Variants in OR6J1 observed in about 807,000 individuals in gnomAD.
OR6J1 encodes the protein olfactory receptor family 6 subfamily J member 1, also known as olfactory receptor 6J1.
For missense variants in OR6J1, 304 were observed against 166.8 expected (o/e 1.82, Z -4.53); for synonymous variants, 109 against 70.0 (o/e 1.56, Z -2.78).
chr14:22,632,615 G>C lies in OR6J1; in HGVS notation c.*1153C>G, dbSNP rs1425740650. The C allele has an allele frequency of 6.6e-6, 1 of 152,240 alleles. No individual in the cohort carries two copies. Among genetic ancestry groups the C allele is most frequent in the Non-Finnish European group, 1.5e-5 (1 of 68,092 alleles). The allele number at this position is 152,240 out of a possible 1,614,324, so 9.4% of individuals were successfully genotyped here. A position where few individuals can be genotyped will look rare whatever the true frequency, so the allele number is the denominator to read the frequency against. The stretch of plus-strand genomic sequence containing the variant: ...TCCAGGTGTATGGAGCCAGAAAAGG[G>C]GAGAAGCTATGCCTTGTGGAGAGAT... On this transcript the variant is annotated 3_prime_UTR_variant, in exon 2 of 2. Transcript: ENST00000540461.
chr14:22,641,417 G>A (rs1181710231), intron 1 of OR6J1, among the ~76,000 whole-genome samples: 236 of 53,992 alleles, frequency 4.4e-3, no homozygotes, highest in African/African-American at 0.02. Flanking sequence ...ATGGAAGGAA[G>A]GAAGAGAAAG....
In OR6J1 at chr14:22,639,271, C is replaced by T. The variant is rs1257748912; in HGVS notation, c.-27-4433G>A. Among the ~76,000 whole-genome samples the T allele has an allele frequency of 9.9e-5, 12 of 120,954 alleles. 1 individual carries two copies. The highest frequency in any genetic ancestry group is 2.1e-4 in the African/African-American group (5 of 24,004). 79.4% of individuals were successfully genotyped at this position (120,954 alleles called of 152,430 possible). A position where few individuals can be genotyped will look rare whatever the true frequency, so the allele number is the denominator to read the frequency against. On this transcript the variant is annotated intron_variant, in intron 1 of 1. Transcript: ENST00000540461. ...CCCCCGCCAGGCCAGCCGCCCCGTC[C>T]GGGAGGTGAGGGGCGCCTCTGCCCG... is the stretch of plus-strand genomic sequence containing the variant.
intron 1 of OR6J1, among the ~76,000 whole-genome samples, chr14:22,641,830 T>G (rs10139001): frequency 0.027 from 4,153 of 152,250 alleles, 172 homozygotes; most frequent in African/African-American, 0.095. Context: ...CATGGATATT[T>G]GTCCTGGGCC....
At chr14:22,640,246 GAAGGAAGGAAGC>G (rs1193398660) in intron 1 of OR6J1, among the ~76,000 whole-genome samples, 2 of 103,726 alleles carry the variant, frequency 1.9e-5, no homozygotes, top group South Asian at 6.8e-4. Context: ...AGGATGGAAG[GAAGGAAGGAAGC>G]AAGGAAGGAA....
chr14:22,641,600 GAT>G (rs147818966), intron 1 of OR6J1, among the ~76,000 whole-genome samples: 84,303 of 150,086 alleles, frequency 0.56, 23,693 homozygotes, highest in East Asian at 0.69. Flanking sequence ...ATTCTAAAAG[GAT>G]ATATATATAT....
intron 1 of OR6J1, among the ~76,000 whole-genome samples, chr14:22,637,595 G>T (rs2037601164): frequency 8.6e-5 from 5 of 57,846 alleles, no homozygotes; most frequent in Non-Finnish European, 1.7e-4. Context: ...GGGGGGGTCA[G>T]CCCCCCGCCT....
At chr14:22,638,625 C>A (rs1285484351) in intron 1 of OR6J1, among the ~76,000 whole-genome samples, 2 of 67,964 alleles carry the variant, frequency 2.9e-5, no homozygotes, top group East Asian at 2.9e-4. Flanking sequence ...TCCCCCTCTG[C>A]GAGAAACACC....
intron 1 of OR6J1, among the ~76,000 whole-genome samples, chr14:22,643,295 T>A (rs1394026438): frequency 6.7e-6 from 1 of 149,352 alleles, no homozygotes; most frequent in Admixed American, 6.7e-5. Context: ...AGAAAATAAT[T>A]TTACTTTTTT....
At chr14:22,640,290 G>A (rs1360153172) in intron 1 of OR6J1, among the ~76,000 whole-genome samples, 3 of 60,352 alleles carry the variant, frequency 5.0e-5, no homozygotes, top group African/African-American at 1.5e-4. Context: ...AGGAAGGAAA[G>A]GGGGAAGGGA....
In OR6J1 at chr14:22,632,393, C is replaced by T. The variant is rs1160088851; in HGVS notation, c.*1375G>A. The T allele has an allele frequency of 6.6e-6, 1 of 152,206 alleles. No individual in the cohort carries two copies. Among genetic ancestry groups the T allele is most frequent in the Non-Finnish European group, 1.5e-5 (1 of 68,074 alleles). 9.4% of individuals were successfully genotyped at this position (152,206 alleles called of 1,614,324 possible). On this transcript the variant is annotated 3_prime_UTR_variant, in exon 2 of 2. Transcript: ENST00000540461. ...CCATCCTGGCTAACACAGTGAAGCC[C>T]CATCTCTACTAAAAATACAAAAATT...
intron 1 of OR6J1, among the ~76,000 whole-genome samples, chr14:22,637,855 G>A (rs1477318049): frequency 2.7e-5 from 1 of 37,476 alleles, no homozygotes; most frequent in Non-Finnish European, 5.2e-5. Flanking sequence ...GTCCGGGAGG[G>A]AGGCGGGGGG....
intron 1 of OR6J1, among the ~76,000 whole-genome samples, chr14:22,636,838 C>T (rs1361630431): frequency 5.1e-5 from 6 of 117,516 alleles, no homozygotes; most frequent in South Asian, 4.9e-4. Context: ...GCCGCCACCC[C>T]GTCTGGGAAG....
In OR6J1 at chr14:22,634,468, G is replaced by T. The variant is rs45479894; in HGVS notation, c.344C>A (p.Thr115Lys). The change falls in exon 2 of 2, where the codon ACG (threonine) becomes AAG (lysine). Residue 115 changes from threonine (T) to lysine (K), a missense_variant. Thr to Lys is a moderately conservative substitution (Grantham distance 78). Coordinates refer to ENST00000540461, the MANE Select transcript of OR6J1 (RefSeq NM_001348233.2). ...FLGTVEFLLL[T>K]VMSYDRYATI... ...GGCATAACGGTCATAGGACATGACC[G>T]TCAGCAGGAGGAACTCAACTGTGCC... The T allele has an allele frequency of 9.9e-3, 6,973 of 703,320 alleles. 74 individuals are homozygous for T. The highest frequency in any genetic ancestry group is 0.025 in the Middle Eastern group (108 of 4,368). The allele number at this position is 703,320 out of a possible 1,614,324, so 43.6% of individuals were successfully genotyped here.
In OR6J1 at chr14:22,631,227, ACC is replaced by A. The variant is rs2037543286; in HGVS notation, c.*2539_*2540del. ...ATCAGGAGACAGGGTTTTGAGAGCA[ACC>A]AGTCTGACCAAAATTTATTAGGTGG... is the stretch of plus-strand genomic sequence containing the variant. On this transcript the variant is annotated 3_prime_UTR_variant, in exon 2 of 2. Coordinates refer to ENST00000540461, the MANE Select transcript of OR6J1 (RefSeq NM_001348233.2). The A allele has an allele frequency of 6.6e-6, 1 of 152,152 alleles. No homozygotes were observed. Among genetic ancestry groups the A allele is most frequent in the Non-Finnish European group, 1.5e-5 (1 of 68,036 alleles). The allele number at this position is 152,152 out of a possible 1,614,324, so 9.4% of individuals were successfully genotyped here. A position where few individuals can be genotyped will look rare whatever the true frequency, so the allele number is the denominator to read the frequency against.
At chr14:22,640,210 GA>G (rs1187235565) in intron 1 of OR6J1, among the ~76,000 whole-genome samples, 1 of 105,604 alleles carries the variant, frequency 9.5e-6, no homozygotes, top group Non-Finnish European at 1.9e-5. Context: ...AAGAGAGAGG[GA>G]GGGAGGGAGG....
rs2037593346 is a variant in OR6J1, at chr14:22,637,039, G to A, written c.-27-2201C>T. On this transcript the variant is annotated intron_variant, in intron 1 of 1. Transcript: ENST00000540461. ...TCTCTGCCCGGCCGCCCATGTCTGAGATGTGGGGAGCACCTCTGCCCCGCC... is the reference window on the plus strand; with the variant it reads ...TCTCTGCCCGGCCGCCCATGTCTGAAATGTGGGGAGCACCTCTGCCCCGCC... Among the ~76,000 whole-genome samples the A allele has an allele frequency of 1.4e-4, 17 of 123,288 alleles. 2 individuals carry two copies. In the South Asian group the frequency reaches 3.9e-3, roughly 29 times the overall value. 80.9% of individuals were successfully genotyped at this position (123,288 alleles called of 152,430 possible). A position where few individuals can be genotyped will look rare whatever the true frequency, so the allele number is the denominator to read the frequency against.
rs1394634138 is a variant in OR6J1 at position 22,636,616 on chromosome 14, G to C, written c.-27-1778C>G. 7.3e-4 allele frequency among the ~76,000 whole-genome samples: 85 copies of C among 116,974 alleles called. 3 individuals are homozygous for C. Among genetic ancestry groups the C allele is most frequent in the African/African-American group, 3.7e-3 (79 of 21,432 alleles). The allele number at this position is 116,974 out of a possible 152,430, so 76.7% of individuals were successfully genotyped here. On this transcript the variant is annotated intron_variant, in intron 1 of 1. Transcript: ENST00000540461. ...TTTTTGGTGGAGACGGGGTTTTGCT[G>C]TGTTGGCCGGGCTGGTCTCCAGCTC...
chr14:22,643,681 C>G (rs893827341), intron 1 of OR6J1, among the ~76,000 whole-genome samples: 42 of 143,176 alleles, frequency 2.9e-4, no homozygotes, highest in African/African-American at 9.8e-4. Flanking sequence ...GGCCACAGCC[C>G]CAAGAAGAAG....
intron 1 of OR6J1, among the ~76,000 whole-genome samples, chr14:22,637,675 A>C (rs2037602363): frequency 1.4e-5 from 1 of 69,148 alleles, no homozygotes; most frequent in African/African-American, 8.1e-5. Flanking sequence ...CCCGTCCGGG[A>C]GGGAGGTGGG....
Sources: allele counts gnomAD v4.1 joint callset (sites outside exome capture counted in the v4.1 genomes callset), GRCh38; gene constraint gnomAD v4.1.1; transcripts MANE v1.5; gene names NCBI Gene and HGNC (gene_info 2026-07-23, HGNC 2026-07-21).